RIMS2: variants seen among roughly 807,000 people sequenced by gnomAD.
RIMS2 encodes the protein regulating synaptic membrane exocytosis protein 2.
Under a neutral mutation model 174.4 loss-of-function variants are expected in RIMS2, and 59 were observed. The observed-to-expected ratio is 0.34, with a 90% CI of 0.27 to 0.42. RIMS2 has a LOEUF of 0.42. Ranked by LOEUF, RIMS2 falls within the 10% of genes least tolerant of loss-of-function variation. The pLI is 1.00. For synonymous variants in RIMS2, 606 were observed against 572.5 expected (o/e 1.06, Z -0.84); for missense variants, 1,620 against 1,666.3 (o/e 0.97, Z 0.48).
At chr8:104,222,166 T>G (rs1238732376) in intron 19 of RIMS2, among the ~76,000 whole-genome samples, 1 of 152,212 alleles carries the variant, frequency 6.6e-6, no homozygotes, top group African/African-American at 2.4e-5. Flanking sequence ...CATCTCCTTT[T>G]TAGCACTATA....
At chr8:104,042,187 C>T (rs1423664680) in intron 19 of RIMS2, among the ~76,000 whole-genome samples, 3 of 151,310 alleles carry the variant, frequency 2.0e-5, no homozygotes, top group Non-Finnish European at 4.4e-5. Flanking sequence ...GATATTAGTT[C>T]AAGAAAGACT....
At chr8:104,066,710 C>G (rs13260126) in intron 19 of RIMS2, among the ~76,000 whole-genome samples, 36,686 of 152,000 alleles carry the variant, frequency 0.24, 4,695 homozygotes, top group South Asian at 0.35. Context: ...ATTAACCTAG[C>G]ATTAATATTC....
intron 5 of RIMS2, among the ~76,000 whole-genome samples, chr8:103,910,787 G>C (rs562065492): frequency 6.6e-6 from 1 of 152,180 alleles, no homozygotes; most frequent in Admixed American, 6.5e-5. Context: ...TAGGAACAAA[G>C]GAATGTTTTG....
rs1462446778 is a variant in RIMS2, at chr8:103,836,035, ACTTTTT to A, written c.699-49258_699-49253del. Among the ~76,000 whole-genome samples, 5 of 152,336 alleles carry A rather than the reference ACTTTTT, an allele frequency of 3.3e-5. No individual in the cohort carries two copies. The East Asian group carries it at 9.7e-4, about 29-fold the overall frequency. On this transcript the variant is annotated intron_variant, in intron 3 of 23. Transcript: ENST00000504942. ...AAAATAAAGAGACAAAAGCTATCAT[ACTTTTT>A]CTTTACCTTCTAACTGGGTGGGCAT... is the stretch of plus-strand genomic sequence containing the variant.
In RIMS2 at chr8:103,616,824, A is replaced by G. The variant is rs192160949; in HGVS notation, c.177-80262A>G. ...GGAATACAGATAACTAGGGAGGTAA[A>G]AGATCTCTACAATGAGAATTACAAA... is the stretch of plus-strand genomic sequence containing the variant. On this transcript the variant is annotated intron_variant, in intron 1 of 23. Transcript: ENST00000504942. Among the ~76,000 whole-genome samples the G allele has an allele frequency of 1.6e-3, 237 of 152,308 alleles. 2 individuals are homozygous for G. The highest frequency in any genetic ancestry group is 5.2e-3 in the African/African-American group (215 of 41,562).
At chr8:103,910,416 G>T (rs1375704616) in intron 5 of RIMS2, 1 of 1,596,574 alleles carries the variant, frequency 6.3e-7, no homozygotes, top group East Asian at 2.2e-5. Flanking sequence ...GATGTACTTT[G>T]GTGGCCACTC....
chr8:103,522,187 G>C (rs1001127628), intron 1 of RIMS2, among the ~76,000 whole-genome samples: 2 of 151,956 alleles, frequency 1.3e-5, no homozygotes, highest in African/African-American at 4.8e-5. Context: ...GGTCTTTAGG[G>C]GATTCCTTCA....
At chr8:104,190,037 C>T (rs546151310) in intron 19 of RIMS2, among the ~76,000 whole-genome samples, 2 of 152,106 alleles carry the variant, frequency 1.3e-5, no homozygotes, top group South Asian at 2.1e-4. Context: ...AGCATGGTGG[C>T]TCATGTCTGT....
chr8:103,693,619 C>T (rs1198196986), intron 1 of RIMS2, among the ~76,000 whole-genome samples: 1 of 152,112 alleles, frequency 6.6e-6, no homozygotes, highest in Non-Finnish European at 1.5e-5. Flanking sequence ...ATGTCTTCAC[C>T]AGTCAGCCCA....
At chr8:104,198,207 A>T (rs1013908435) in intron 19 of RIMS2, among the ~76,000 whole-genome samples, 6 of 152,216 alleles carry the variant, frequency 3.9e-5, no homozygotes, top group African/African-American at 1.4e-4. Context: ...TAACAAGGCA[A>T]CAAAGGTTGA....
intron 3 of RIMS2, among the ~76,000 whole-genome samples, chr8:103,816,950 T>TTAG (rs1356942956): frequency 6.6e-6 from 1 of 152,196 alleles, no homozygotes; most frequent in African/African-American, 2.4e-5. Flanking sequence ...ACCTTCTTAC[T>TTAG]TAGTAGACTT....
intron 3 of RIMS2, among the ~76,000 whole-genome samples, chr8:103,857,580 A>G (rs1407444214): frequency 6.6e-6 from 1 of 151,600 alleles, no homozygotes; most frequent in Non-Finnish European, 1.5e-5. Flanking sequence ...TCTGGCCTTT[A>G]GTTTAATCTC....
intron 19 of RIMS2, among the ~76,000 whole-genome samples, chr8:104,241,199 A>G (rs1400155635): frequency 1.3e-5 from 2 of 152,170 alleles, no homozygotes; most frequent in Non-Finnish European, 2.9e-5. Context: ...CTCCCCATTT[A>G]GTTATATTCT....
chr8:103,815,033 T>C (rs2098710536), intron 3 of RIMS2, among the ~76,000 whole-genome samples: 1 of 152,218 alleles, frequency 6.6e-6, no homozygotes, highest in Non-Finnish European at 1.5e-5. Flanking sequence ...TTCTCCACTG[T>C]TTGAAAATTA....
At chr8:103,900,398 A>G (rs1385210201) in intron 4 of RIMS2, among the ~76,000 whole-genome samples, 2 of 148,676 alleles carry the variant, frequency 1.3e-5, no homozygotes, top group Non-Finnish European at 2.9e-5. Flanking sequence ...TAATTTTTGT[A>G]TTTTTAGTAA....
chr8:104,017,022 A>G (rs1248897399), intron 19 of RIMS2, among the ~76,000 whole-genome samples: 1 of 152,022 alleles, frequency 6.6e-6, no homozygotes, highest in Non-Finnish European at 1.5e-5. Context: ...CCTTTTTAGT[A>G]TGAAATAAAA....
At chr8:103,981,679 A>G (rs1332762684) in intron 16 of RIMS2, among the ~76,000 whole-genome samples, 2 of 152,152 alleles carry the variant, frequency 1.3e-5, no homozygotes, top group African/African-American at 4.8e-5. Context: ...TAAATTTAAC[A>G]ACGAGATTGA....
At chr8:103,812,757 T>A (rs1261036655) in intron 3 of RIMS2, among the ~76,000 whole-genome samples, 1 of 152,172 alleles carries the variant, frequency 6.6e-6, no homozygotes, top group Non-Finnish European at 1.5e-5. Flanking sequence ...ATTTTTTGCT[T>A]ATATGTTATC....
At chr8:104,200,904 C>A (rs989433354) in intron 19 of RIMS2, among the ~76,000 whole-genome samples, 1 of 152,140 alleles carries the variant, frequency 6.6e-6, no homozygotes, top group African/African-American at 2.4e-5. Flanking sequence ...CACAGTGAGA[C>A]CCTGTCTCAA....
Sources: allele counts gnomAD v4.1 joint callset (sites outside exome capture counted in the v4.1 genomes callset), GRCh38; gene constraint gnomAD v4.1.1; transcripts MANE v1.5; gene names NCBI Gene and HGNC (gene_info 2026-07-23, HGNC 2026-07-21).